WDR72: variants seen among roughly 807,000 people sequenced by gnomAD.
WDR72 encodes WD repeat domain 72.
Under a neutral mutation model 124.2 loss-of-function variants are expected in WDR72, and 120 were observed. The observed-to-expected ratio is 0.97, with a 90% CI of 0.83 to 1.12. WDR72 has a LOEUF of 1.12. Among genes scored for constraint, WDR72 ranks in the 50% most tolerant of loss-of-function variants. The pLI, the probability that WDR72 is intolerant of heterozygous loss-of-function variation, is 0.00. For missense variants in WDR72, 1,387 were observed against 1,278.8 expected (o/e 1.08, Z -1.29); for synonymous variants, 452 against 441.7 (o/e 1.02, Z -0.29).
Position 53,699,903 on chromosome 15 carries a change from A to G in WDR72, c.1612T>C (p.Ser538Pro). Residue 538 changes from serine (S) to proline (P), a missense_variant, in exon 13 of 20, where the codon TCC (serine) becomes CCC (proline). Physicochemically the swap from Ser to Pro is moderately conservative, Grantham distance 74 (BLOSUM62 -1). Coordinates refer to ENST00000360509, the MANE Select transcript of WDR72 (RefSeq NM_182758.4). ...QIICCVCGDHSVALLHLEGKS... is the reference protein window; with the variant it reads ...QIICCVCGDHPVALLHLEGKS... The stretch of plus-strand genomic sequence containing the variant: ...CCCTCAAGGTGAAGGAGAGCCACGG[A>G]ATGGTCACCGCACACACAGCAAATT... The G allele has an allele frequency of 6.2e-7, 1 of 1,614,188 alleles. No homozygotes were observed. Among genetic ancestry groups the G allele is most frequent in the Non-Finnish European group, 8.5e-7 (1 of 1,180,036 alleles).
intron 14 of WDR72, among the ~76,000 whole-genome samples, chr15:53,641,314 T>A (rs1460702375): frequency 6.6e-6 from 1 of 151,994 alleles, no homozygotes; most frequent in Non-Finnish European, 1.5e-5. Flanking sequence ...CTTTCTCTGT[T>A]CTTGAACTTG....
chr15:53,625,757 TAC>T (rs2014179955), intron 14 of WDR72, among the ~76,000 whole-genome samples: 1 of 144,710 alleles, frequency 6.9e-6, no homozygotes, highest in Non-Finnish European at 1.5e-5. Flanking sequence ...CAATCCAAAG[TAC>T]ATATAAAAAG....
At chr15:53,524,220 A>C (rs1891979634) in intron 18 of WDR72, among the ~76,000 whole-genome samples, 1 of 152,138 alleles carries the variant, frequency 6.6e-6, no homozygotes, top group African/African-American at 2.4e-5. Context: ...CAAATGTTCT[A>C]AATATATGGA....
chr15:53,644,208 C>A (rs1487813647), intron 14 of WDR72, among the ~76,000 whole-genome samples: 1 of 151,972 alleles, frequency 6.6e-6, no homozygotes, highest in Non-Finnish European at 1.5e-5. Flanking sequence ...CTACACCTCC[C>A]ATATACGACC....
intron 1 of WDR72, among the ~76,000 whole-genome samples, chr15:53,753,593 C>G (rs146565521): frequency 6.6e-6 from 1 of 152,290 alleles, no homozygotes; most frequent in East Asian, 1.9e-4. Context: ...CTGTCATGAG[C>G]CAAGATAAGC....
chr15:53,677,359 G>T (rs1198408006), intron 13 of WDR72, among the ~76,000 whole-genome samples: 2 of 152,134 alleles, frequency 1.3e-5, no homozygotes, highest in Admixed American at 6.5e-5. Flanking sequence ...AAGCCATTCA[G>T]ATATTCTCTA....
At position 53,758,292 on chromosome 15, in the gene WDR72, C is replaced by T. The variant is rs554409321; in HGVS notation, c.-13+1341G>A. Among the ~76,000 whole-genome samples, 72 of 152,200 alleles carry T rather than the reference C, an allele frequency of 4.7e-4. No homozygotes were observed. In the South Asian group the frequency reaches 0.015, roughly 31 times the overall value. ...TTTGAATTACAGGCATGAGCCACAGCGCCCAGCCTAGTTAATATTTTCTTG... is the reference window on the plus strand; with the variant it reads ...TTTGAATTACAGGCATGAGCCACAGTGCCCAGCCTAGTTAATATTTTCTTG... On this transcript the variant is annotated intron_variant, in intron 1 of 19. Coordinates refer to ENST00000360509, the MANE Select transcript of WDR72 (RefSeq NM_182758.4).
chr15:53,642,208 T>A (rs1250088263), intron 14 of WDR72, among the ~76,000 whole-genome samples: 1 of 152,016 alleles, frequency 6.6e-6, no homozygotes, highest in African/African-American at 2.4e-5. Context: ...GACATTATAA[T>A]AGCATAAACT....
intron 19 of WDR72, among the ~76,000 whole-genome samples, chr15:53,521,764 CT>C (rs534721459): frequency 1.3e-5 from 2 of 151,940 alleles, no homozygotes; most frequent in Non-Finnish European, 2.9e-5. Flanking sequence ...ACAGATTTAC[CT>C]GTCTGACAAA....
intron 17 of WDR72, among the ~76,000 whole-genome samples, chr15:53,599,370 A>G (rs16966272): frequency 0.14 from 21,203 of 152,090 alleles, 2,319 homozygotes; most frequent in African/African-American, 0.3. Flanking sequence ...GAAAGAACTC[A>G]GGATTATAAG....
chr15:53,562,416 G>C (rs1398278329), intron 18 of WDR72, among the ~76,000 whole-genome samples: 1 of 151,776 alleles, frequency 6.6e-6, no homozygotes, highest in Non-Finnish European at 1.5e-5. Context: ...CTGAGAGTTT[G>C]TTAAAACACA....
chr15:53,642,039 C>G (rs1159412397), intron 14 of WDR72, among the ~76,000 whole-genome samples: 1 of 151,664 alleles, frequency 6.6e-6, no homozygotes, highest in Non-Finnish European at 1.5e-5. Flanking sequence ...GGTATGATTA[C>G]TGTTGCTATT....
At chr15:53,740,408 C>T (rs147095434) in intron 1 of WDR72, among the ~76,000 whole-genome samples, 10 of 151,774 alleles carry the variant, frequency 6.6e-5, no homozygotes, top group Middle Eastern at 3.4e-3. Flanking sequence ...CCCGGGTTCA[C>T]GCCATTCTCT....
intron 18 of WDR72, among the ~76,000 whole-genome samples, chr15:53,563,241 T>G (rs1417101999): frequency 6.6e-6 from 1 of 151,742 alleles, no homozygotes; most frequent in Non-Finnish European, 1.5e-5. Flanking sequence ...TCCTTAGAAC[T>G]TTATGATTTA....
rs528130794 is a variant in WDR72, at chr15:53,698,734, C to G, written c.1765+1016G>C. On this transcript the variant is annotated intron_variant, in intron 13 of 19. Coordinates refer to ENST00000360509, the MANE Select transcript of WDR72 (RefSeq NM_182758.4). ...GCAAAGAACAAGCAAGACCCTCAAA[C>G]TGGTTCACCACTTATTAGTTGTACA... 5.3e-5 allele frequency among the ~76,000 whole-genome samples: 8 copies of G among 152,296 alleles called. No homozygotes were observed. In the South Asian group the frequency reaches 1.7e-3, roughly 32 times the overall value.
rs532431789 is a variant in WDR72, at chr15:53,721,600, T to C, written c.260+1202A>G. 7.2e-5 allele frequency among the ~76,000 whole-genome samples: 11 copies of C among 152,346 alleles called. No individual in the cohort carries two copies. In the South Asian group the frequency reaches 2.3e-3, roughly 32 times the overall value. On this transcript the variant is annotated intron_variant, in intron 3 of 19. Coordinates refer to ENST00000360509, the MANE Select transcript of WDR72 (RefSeq NM_182758.4). ...AATGATTTACTATAAGCTATGAAAA[T>C]AGGTATCTCTTTGATACCTGTTCAA...
At chr15:53,612,016 C>T (rs139105375) in intron 16 of WDR72, among the ~76,000 whole-genome samples, 1 of 152,146 alleles carries the variant, frequency 6.6e-6, no homozygotes, top group African/African-American at 2.4e-5. Context: ...GATCACATTC[C>T]CATTTTACAA....
At chr15:53,745,715 G>A (rs532541995) in intron 1 of WDR72, among the ~76,000 whole-genome samples, 2 of 152,254 alleles carry the variant, frequency 1.3e-5, no homozygotes, top group East Asian at 1.9e-4. Flanking sequence ...AGGACCTGTA[G>A]GCATAGTAGG....
chr15:53,635,707 G>A (rs1311365380), intron 14 of WDR72, among the ~76,000 whole-genome samples: 2 of 152,062 alleles, frequency 1.3e-5, no homozygotes, highest in Admixed American at 1.3e-4. Context: ...GGAGGGAGAT[G>A]GGGAAGGGTT....
Sources: gnomAD v4.1 joint callset for allele counts (sites outside exome capture counted in the v4.1 genomes callset) on GRCh38, gnomAD v4.1.1 for gene constraint, MANE v1.5 for transcripts, NCBI Gene and HGNC (gene_info 2026-07-23, HGNC 2026-07-21) for gene names.